IQGAP1: variants seen among roughly 807,000 people sequenced by gnomAD.
The protein encoded by IQGAP1 is ras GTPase-activating-like protein IQGAP1.
A neutral mutation model predicts 215.6 loss-of-function variants in IQGAP1; 66 were observed. That is an observed-to-expected ratio of 0.31 (90% CI 0.25 to 0.38). The LOEUF (loss-of-function observed/expected upper bound fraction) is 0.38, where lower values mean the gene tolerates loss of function less well. IQGAP1 is among the 10% of genes least tolerant of loss of function. The probability of loss-of-function intolerance (pLI) is 1.00; values close to 1 mark genes in which losing one functional copy is unlikely to be tolerated. For missense variants in IQGAP1, 1,712 were observed against 1,997.1 expected (o/e 0.86, Z 2.72); for synonymous variants, 772 against 728.7 (o/e 1.06, Z -0.96).
chr15:90,394,597 C>T (rs542102676), intron 2 of IQGAP1, among the ~76,000 whole-genome samples: 8 of 152,188 alleles, frequency 5.3e-5, no homozygotes, highest in South Asian at 2.1e-4. Context: ...TTGTGTGTTC[C>T]GAGGGCCCCT....
At chr15:90,448,483 TG>T in intron 9 of IQGAP1, 89 bp from the exon 10 acceptor site, 2 of 1,156,336 alleles carry the variant, frequency 1.7e-6, no homozygotes, top group Non-Finnish European at 2.4e-6. Context: ...TTTCCTTATC[TG>T]GAACTGAGAT....
chr15:90,436,041 T>C (rs1002658884), intron 5 of IQGAP1, among the ~76,000 whole-genome samples: 1 of 148,944 alleles, frequency 6.7e-6, no homozygotes, highest in Non-Finnish European at 1.5e-5. Flanking sequence ...AAATACTACC[T>C]CTCTGTCTCC....
chr15:90,399,132 A>T (rs560676016), intron 2 of IQGAP1, among the ~76,000 whole-genome samples: 2,666 of 147,816 alleles, frequency 0.018, 29 homozygotes, highest in Non-Finnish European at 0.027. Flanking sequence ...ATTAAAAAAA[A>T]TTTTTTTTTT....
intron 15 of IQGAP1, among the ~76,000 whole-genome samples, chr15:90,459,655 C>T (rs1459771780): frequency 2.0e-5 from 3 of 152,172 alleles, no homozygotes; most frequent in Non-Finnish European, 4.4e-5. Context: ...GGGTGAACTA[C>T]ACATTGGGTG....
At chr15:90,439,100 A>G (rs913783999) in intron 5 of IQGAP1, among the ~76,000 whole-genome samples, 1 of 152,006 alleles carries the variant, frequency 6.6e-6, no homozygotes, top group Non-Finnish European at 1.5e-5. Flanking sequence ...CTCCCAGTCC[A>G]GTGCTCTTTG....
chr15:90,484,170 C>T (rs760614384), intron 29 of IQGAP1, 50 bp from the exon 30 acceptor site: 1 of 1,583,766 alleles, frequency 6.3e-7, no homozygotes, highest in East Asian at 2.3e-5. Context: ...CTCTTGCCAA[C>T]TTCATGTGTA....
At chr15:90,454,887 T>C (rs1394358888) in intron 14 of IQGAP1, among the ~76,000 whole-genome samples, 2 of 152,220 alleles carry the variant, frequency 1.3e-5, no homozygotes, top group African/African-American at 4.8e-5. Flanking sequence ...TCCTCTCACT[T>C]CAGACACAAG....
At chr15:90,443,573 T>G (rs1965482727) in intron 9 of IQGAP1, 95 bp downstream of exon 9, 1 of 695,146 alleles carries the variant, frequency 1.4e-6, no homozygotes, top group East Asian at 2.8e-5. Context: ...TTGATTTACT[T>G]ACTTTAGACA....
At chr15:90,498,905 G>A (rs1434007317) in intron 37 of IQGAP1, among the ~76,000 whole-genome samples, 2 of 152,206 alleles carry the variant, frequency 1.3e-5, no homozygotes, top group Middle Eastern at 3.4e-3. Context: ...CGCCTCCTGG[G>A]TTCAAGTGAT....
intron 2 of IQGAP1, among the ~76,000 whole-genome samples, chr15:90,394,356 C>A (rs1270312371): frequency 6.6e-6 from 1 of 151,878 alleles, no homozygotes; most frequent in African/African-American, 2.4e-5. Context: ...TTTAAAAAAT[C>A]AAGGTTGGAA....
intron 9 of IQGAP1, among the ~76,000 whole-genome samples, chr15:90,446,589 C>T (rs760814553): frequency 1.3e-5 from 2 of 152,098 alleles, no homozygotes; most frequent in African/African-American, 4.8e-5. Context: ...TATAAAAGGA[C>T]AGTCTTTTCC....
intron 28 of IQGAP1, among the ~76,000 whole-genome samples, chr15:90,483,022 T>C (rs145204917): frequency 0.014 from 2,083 of 152,322 alleles, 24 homozygotes; most frequent in Non-Finnish European, 0.02. Flanking sequence ...CAGCCTTATT[T>C]GCTACCATGA....
In IQGAP1 at chr15:90,396,657, G is replaced by A. The variant is rs550302777; in HGVS notation, c.155+5784G>A. Among the ~76,000 whole-genome samples the A allele has an allele frequency of 1.3e-3, 197 of 152,052 alleles. 1 individual carries two copies. The highest frequency in any genetic ancestry group is 2.1e-3 in the Non-Finnish European group (142 of 67,970). On this transcript the variant is annotated intron_variant, in intron 2 of 37. Transcript: ENST00000268182. The stretch of plus-strand genomic sequence containing the variant: ...AGAATAAACCTCCATTCTTTTTTCG[G>A]ATATTAATTTAGTGCAACGGCCTTG...
chr15:90,469,537 A>G (rs1965877125), intron 18 of IQGAP1, among the ~76,000 whole-genome samples: 1 of 152,204 alleles, frequency 6.6e-6, no homozygotes, highest in Admixed American at 6.5e-5. Flanking sequence ...TGTTCTGGGC[A>G]TTGAGAAGAC....
intron 15 of IQGAP1, among the ~76,000 whole-genome samples, chr15:90,463,720 G>A (rs762737255): frequency 6.6e-6 from 1 of 152,198 alleles, no homozygotes; most frequent in African/African-American, 2.4e-5. Flanking sequence ...TCCCAAGACT[G>A]TGAGCTTCTT....
Position 90,494,716 on chromosome 15 carries a change from C to A in IQGAP1, c.4632C>A (p.Val1544=). The A allele has an allele frequency of 6.2e-7, 1 of 1,603,872 alleles. No individual in the cohort carries two copies. The highest frequency in any genetic ancestry group is 1.1e-5 in the South Asian group (1 of 89,604). ...TGACATGATGTGATTTTTACAGAGT[C>A]TCCAAAAAGCCTAGGGAAATGAAAG... ...CLDNLASKGK[V]SKKPREMKGK... is the part of the protein sequence containing the mutation. Residue 1544 remains valine (V), a synonymous_variant, in exon 36 of 38, where the codon GTC becomes GTA. Coordinates refer to ENST00000268182, the MANE Select transcript of IQGAP1 (RefSeq NM_003870.4).
chr15:90,469,018 G>A (rs1006022707), intron 18 of IQGAP1, among the ~76,000 whole-genome samples: 1 of 152,142 alleles, frequency 6.6e-6, no homozygotes, highest in East Asian at 1.9e-4. Flanking sequence ...ATTTGTGCTT[G>A]TCTATGCCCC....
At chr15:90,489,163 C>T (rs141371435) in intron 33 of IQGAP1, among the ~76,000 whole-genome samples, 1 of 148,938 alleles carries the variant, frequency 6.7e-6, no homozygotes, top group African/African-American at 2.5e-5. Flanking sequence ...CAGAGTCTCA[C>T]TCTCACTCAG....
chr15:90,412,000 G>A (rs1964973090), intron 2 of IQGAP1, among the ~76,000 whole-genome samples: 1 of 151,978 alleles, frequency 6.6e-6, no homozygotes, highest in South Asian at 2.1e-4. Flanking sequence ...GCTGAGTTGT[G>A]CAACCCATCA....
Sources: allele counts gnomAD v4.1 joint callset (sites outside exome capture counted in the v4.1 genomes callset), GRCh38; gene constraint gnomAD v4.1.1; transcripts MANE v1.5; gene names NCBI Gene and HGNC (gene_info 2026-07-23, HGNC 2026-07-21).